The following MN1 variants were observed in gnomAD, a reference collection of about 807,000 sequenced individuals.
MN1 encodes the protein transcriptional activator MN1.
In MN1, 19 loss-of-function variants were observed where a neutral mutation model predicts 86.9. The observed-to-expected ratio is 0.22, with a 90% CI of 0.15 to 0.32. MN1 has a LOEUF of 0.32. MN1 is among the 10% of genes least tolerant of loss of function. The probability of loss-of-function intolerance (pLI) is 1.00; values close to 1 mark genes in which losing one functional copy is unlikely to be tolerated. For synonymous variants in MN1, 928 were observed against 849.6 expected (o/e 1.09, Z -1.60); for missense variants, 1,841 against 1,862.0 (o/e 0.99, Z 0.21).
chr22:27,765,822 G>A (rs1483420412), intron 1 of MN1, among the ~76,000 whole-genome samples: 1 of 152,220 alleles, frequency 6.6e-6, no homozygotes, highest in African/African-American at 2.4e-5. Flanking sequence ...TCCCTGGTGT[G>A]TGCCTGGTGA....
chr22:27,773,571 C>T lies in MN1; in HGVS notation c.3782-22475G>A, dbSNP rs1386554044. 7.9e-5 allele frequency among the ~76,000 whole-genome samples: 12 copies of T among 152,314 alleles called. 2 individuals are homozygous for T. The South Asian group carries it at 1.9e-3, about 24-fold the overall frequency. Reference sequence around the variant, plus strand: ...CATAGCCGAGGAAACTGAGACATAACGTAGCATTGTGACTCACTCAAGGCC... The same window carrying T: ...CATAGCCGAGGAAACTGAGACATAATGTAGCATTGTGACTCACTCAAGGCC... On this transcript the variant is annotated intron_variant, in intron 1 of 1. Coordinates refer to ENST00000302326, the MANE Select transcript of MN1 (RefSeq NM_002430.3).
At chr22:27,796,159 T>C (rs1225885461) in intron 1 of MN1, among the ~76,000 whole-genome samples, 2 of 152,076 alleles carry the variant, frequency 1.3e-5, no homozygotes, top group Non-Finnish European at 2.9e-5. Context: ...GAAACTCTGA[T>C]AGTTAAGAAG....
chr22:27,791,694 A>C (rs1933213105), intron 1 of MN1: 1 of 152,172 alleles, frequency 6.6e-6, no homozygotes, highest in South Asian at 2.1e-4. Context: ...ATAAAGCTAC[A>C]GCCTTTTAAT....
In MN1 at chr22:27,761,982, T is replaced by C. The variant is rs45592940; in HGVS notation, c.3782-10886A>G. Among the ~76,000 whole-genome samples, 540 of 152,294 alleles carry C rather than the reference T, an allele frequency of 3.5e-3. 22 individuals are homozygous for C. In the East Asian group the frequency reaches 0.085, roughly 24 times the overall value. On this transcript the variant is annotated intron_variant, in intron 1 of 1. Transcript: ENST00000302326. Reference sequence around the variant, plus strand: ...CGGGGGGAGGCTGAGTCCTAGGGACTGTCCCTGGCCCTGAAGGAGGGGATG... The same window carrying C: ...CGGGGGGAGGCTGAGTCCTAGGGACCGTCCCTGGCCCTGAAGGAGGGGATG...
At chr22:27,787,009 T>G (rs1250152070) in intron 1 of MN1, among the ~76,000 whole-genome samples, 1 of 152,224 alleles carries the variant, frequency 6.6e-6, no homozygotes, top group African/African-American at 2.4e-5. Context: ...CGGCAAAAAT[T>G]GACCGCATGG....
At chr22:27,767,795 GA>G (rs1052665768) in intron 1 of MN1, among the ~76,000 whole-genome samples, 31 of 151,424 alleles carry the variant, frequency 2.0e-4, no homozygotes, top group African/African-American at 7.0e-4. Context: ...TTGACAAAAA[GA>G]AAAAAAAGAG....
chr22:27,794,799 C>A (rs548802893), intron 1 of MN1, among the ~76,000 whole-genome samples: 1 of 133,402 alleles, frequency 7.5e-6, no homozygotes, highest in African/African-American at 2.9e-5. Context: ...TAAATGGATT[C>A]TTTAAATCAG....
chr22:27,773,512 G>A (rs1001337308), intron 1 of MN1, among the ~76,000 whole-genome samples: 5 of 152,214 alleles, frequency 3.3e-5, no homozygotes, highest in African/African-American at 1.2e-4. Context: ...CGTGCTCGCC[G>A]CACTTAGTCC....
chr22:27,800,892 G>C lies in MN1; in HGVS notation c.-349C>G, dbSNP rs980286376. On this transcript the variant is annotated 5_prime_UTR_variant, in exon 1 of 2. Transcript: ENST00000302326. The stretch of plus-strand genomic sequence containing the variant: ...GATGAACGGAGACAAAAAGTTAAGT[G>C]GGGGGAATGGGGAGGGAAGGGGGTT... The C allele has an allele frequency of 7.0e-6, 3 of 426,558 alleles. No homozygotes were observed. The highest frequency in any genetic ancestry group is 4.1e-5 in the Admixed American group (1 of 24,488). The allele number at this position is 426,558 out of a possible 1,614,324, so 26.4% of individuals were successfully genotyped here.
chr22:27,758,368 G>A (rs1048133583), intron 1 of MN1, among the ~76,000 whole-genome samples: 3 of 152,192 alleles, frequency 2.0e-5, no homozygotes, highest in Non-Finnish European at 4.4e-5. Flanking sequence ...GCCCCATGGC[G>A]ATGTTTCTCT....
chr22:27,784,418 C>T (rs1481902229), intron 1 of MN1, among the ~76,000 whole-genome samples: 1 of 152,178 alleles, frequency 6.6e-6, no homozygotes, highest in Non-Finnish European at 1.5e-5. Flanking sequence ...CATTACCATC[C>T]GCTACACAAT....
At chr22:27,796,395 C>G (rs1264837562) in intron 1 of MN1, among the ~76,000 whole-genome samples, 1 of 136,490 alleles carries the variant, frequency 7.3e-6, no homozygotes, top group African/African-American at 2.8e-5. Flanking sequence ...GAGCCAGCCT[C>G]AATGTTGAGG....
chr22:27,760,092 G>A (rs1480739607), intron 1 of MN1, among the ~76,000 whole-genome samples: 1 of 152,204 alleles, frequency 6.6e-6, no homozygotes, highest in Non-Finnish European at 1.5e-5. Context: ...GCTCACACCT[G>A]TAATCCCAGA....
In MN1 at chr22:27,800,453, T is replaced by C. The variant is rs1009404304; in HGVS notation, c.91A>G (p.Asn31Asp). Reference sequence around the variant, plus strand: ...AAAGCCGGGGCCTTAAAGTGGGTGTTCATGCTCAGTCCGGTCTCGTTAAAG... The same window carrying C: ...AAAGCCGGGGCCTTAAAGTGGGTGTCCATGCTCAGTCCGGTCTCGTTAAAG... ...RNFNETGLSM[N>D]THFKAPAFHT... The change falls in exon 1 of 2, where the codon AAC becomes GAC. Residue 31 changes from asparagine (N) to aspartate (D), a missense_variant. Transcript: ENST00000302326. 2 of 1,614,058 alleles carry C rather than the reference T, an allele frequency of 1.2e-6. No homozygotes were observed. Among genetic ancestry groups the C allele is most frequent in the South Asian group, 1.1e-5 (1 of 91,088 alleles).
rs1179302851 is a variant in MN1, at chr22:27,749,950, C to T, written c.*965G>A. The stretch of plus-strand genomic sequence containing the variant: ...AAGGGCTGAGAACAGCCTCCTCCAA[C>T]TCCAGCACCCAAGGCACGGGCAGCA... On this transcript the variant is annotated 3_prime_UTR_variant, in exon 2 of 2. Coordinates refer to ENST00000302326, the MANE Select transcript of MN1 (RefSeq NM_002430.3). 1 of 232,180 alleles carries T rather than the reference C, an allele frequency of 4.3e-6. No individual in the cohort carries two copies. The highest frequency in any genetic ancestry group is 8.5e-6 in the Non-Finnish European group (1 of 117,396). 14.4% of individuals were successfully genotyped at this position (232,180 alleles called of 1,614,324 possible).
At chr22:27,786,038 C>CA (rs536062366) in intron 1 of MN1, among the ~76,000 whole-genome samples, 128 of 152,364 alleles carry the variant, frequency 8.4e-4, no homozygotes, top group Non-Finnish European at 1.2e-3. Flanking sequence ...CCTCACTCTG[C>CA]AAAGGCAAGG....
chr22:27,782,806 C>T (rs1933071779), intron 1 of MN1, among the ~76,000 whole-genome samples: 1 of 152,210 alleles, frequency 6.6e-6, no homozygotes, highest in Admixed American at 6.5e-5. Context: ...AGCCTGTGCC[C>T]TTAGTCACAT....
Position 27,800,851 on chromosome 22 carries a change from A to T in MN1, c.-308T>A. ...CACAGCCGCGGGTGGGTCTGCGGGGAGGGGACGAAGCCGCGGATGAACGGA... is the reference window on the plus strand; with the variant it reads ...CACAGCCGCGGGTGGGTCTGCGGGGTGGGGACGAAGCCGCGGATGAACGGA... On this transcript the variant is annotated 5_prime_UTR_variant, in exon 1 of 2. Coordinates refer to ENST00000302326, the MANE Select transcript of MN1 (RefSeq NM_002430.3). 2 of 298,366 alleles carry T rather than the reference A, an allele frequency of 6.7e-6. No individual in the cohort carries two copies. The highest frequency in any genetic ancestry group is 1.2e-5 in the Non-Finnish European group (2 of 161,866). 18.5% of individuals were successfully genotyped at this position (298,366 alleles called of 1,614,324 possible).
chr22:27,765,421 A>T (rs1176436636), intron 1 of MN1, among the ~76,000 whole-genome samples: 1 of 90,014 alleles, frequency 1.1e-5, no homozygotes, highest in African/African-American at 6.6e-5. Flanking sequence ...AGAAAAAAAA[A>T]AGTCATTCCA....
Sources: gnomAD v4.1 joint callset for allele counts (sites outside exome capture counted in the v4.1 genomes callset) on GRCh38, gnomAD v4.1.1 for gene constraint, MANE v1.5 for transcripts, NCBI Gene and HGNC (gene_info 2026-07-23, HGNC 2026-07-21) for gene names.